The following LIMD1 variants were observed in gnomAD, a reference collection of about 807,000 sequenced individuals.
LIMD1 encodes the protein LIM domain containing 1, also known as LIM domain-containing protein 1.
LIMD1 carries 23 observed loss-of-function variants against 58.4 expected under a neutral mutation model. That is an observed-to-expected ratio of 0.39 (90% confidence interval 0.28 to 0.56). The LOEUF (loss-of-function observed/expected upper bound fraction) is 0.56. Ranked by LOEUF, LIMD1 falls within the 20% of genes least tolerant of loss-of-function variation. The probability of loss-of-function intolerance (pLI) is 0.57; values close to 1 mark genes in which losing one functional copy is unlikely to be tolerated. For missense variants in LIMD1, 838 were observed against 855.5 expected, an observed-to-expected ratio of 0.98 and a Z score of 0.25; for synonymous variants, 334 against 345.5, an observed-to-expected ratio of 0.97 and a Z score of 0.37.
At position 45,606,284 on chromosome 3, in the gene LIMD1, C is replaced by T. The variant is rs138009743; in HGVS notation, c.1408+9997C>T. On this transcript the variant is annotated intron_variant, in intron 1 of 7. Transcript: ENST00000273317. ...GCTGCTGAGTTGGAGATTTTGACCA[C>T]TGTGTTGTGATGCCTCTTAGCTCTT... Among the ~76,000 whole-genome samples, 624 of 152,284 alleles carry T rather than the reference C, an allele frequency of 4.1e-3. 7 individuals are homozygous for T. Among genetic ancestry groups the T allele is most frequent in the African/African-American group, 0.014 (593 of 41,544 alleles).
Position 45,594,871 on chromosome 3 carries a change from G to T in LIMD1, c.-9G>T. On this transcript the variant is annotated 5_prime_UTR_variant, in exon 1 of 8. Coordinates refer to ENST00000273317, the MANE Select transcript of LIMD1 (RefSeq NM_014240.3). ...GCACCTGGGCTAGGCCCGGACACCT[G>T]TCTGCAGCATGGATAAGTATGACGA... The T allele has an allele frequency of 6.3e-7, 1 of 1,575,764 alleles. No homozygotes were observed. The highest frequency in any genetic ancestry group is 2.3e-5 in the East Asian group (1 of 43,106).
chr3:45,674,466 G>A, intron 7 of LIMD1, 55 bp downstream of exon 7: 3 of 1,246,392 alleles, frequency 2.4e-6, no homozygotes, highest in Admixed American at 3.8e-5. Flanking sequence ...CAAGAGAAAA[G>A]CATCCTGCGT....
intron 1 of LIMD1, among the ~76,000 whole-genome samples, chr3:45,622,548 C>T (rs894884845): frequency 2.6e-5 from 4 of 152,068 alleles, no homozygotes; most frequent in African/African-American, 4.8e-5. Flanking sequence ...TGAATGTGGT[C>T]TTTCTCTTTC....
At chr3:45,616,757 C>CTTT (rs1335272194) in intron 1 of LIMD1, among the ~76,000 whole-genome samples, 4 of 142,054 alleles carry the variant, frequency 2.8e-5, no homozygotes, top group African/African-American at 7.8e-5. Flanking sequence ...ATGAGAAAGT[C>CTTT]TTTTTTTTTT....
intron 1 of LIMD1, among the ~76,000 whole-genome samples, chr3:45,601,517 C>G (rs1379406249): frequency 6.6e-6 from 1 of 152,216 alleles, no homozygotes; most frequent in Non-Finnish European, 1.5e-5. Flanking sequence ...CCCACAGTGC[C>G]CCCTTCCTGG....
At position 45,594,970 on chromosome 3, in the gene LIMD1, G is replaced by A. The variant is rs1467437674; in HGVS notation, c.91G>A (p.Val31Met). Residue 31 changes from valine (V) to methionine (M), a missense_variant, in exon 1 of 8, where the codon GTG (valine) becomes ATG (methionine). Physicochemically the swap from Val to Met is conservative, Grantham distance 21 (BLOSUM62 1). This residue lies in a region of LIMD1 where 659 missense variants were observed against 639.8 expected (regional missense o/e 1.03). Coordinates refer to ENST00000273317, the MANE Select transcript of LIMD1 (RefSeq NM_014240.3). ...YEASKDGLFR[V>M]DKGAGNNPEF... is the part of the protein sequence containing the mutation. ...GGCCTCTAAGGATGGGCTCTTCCGA[G>A]TGGACAAGGGTGCAGGCAACAACCC... is the stretch of plus-strand genomic sequence containing the variant. 6.2e-7 allele frequency: 1 copy of A among 1,613,984 alleles called. No individual in the cohort carries two copies.
rs1553641998 is a variant in LIMD1, at chr3:45,594,797, A to ACACACACACACACACACAC, written c.-82_-64dup. The ACACACACACACACACACAC allele has an allele frequency of 1.3e-3, 166 of 129,526 alleles. 1 individual carries two copies. In the East Asian group the frequency reaches 0.037, roughly 29 times the overall value. 8.0% of individuals were successfully genotyped at this position (129,526 alleles called of 1,614,324 possible). A position where few individuals can be genotyped will look rare whatever the true frequency, so the allele number is the denominator to read the frequency against. On this transcript the variant is annotated 5_prime_UTR_variant, in exon 1 of 8. Coordinates refer to ENST00000273317, the MANE Select transcript of LIMD1 (RefSeq NM_014240.3). ...GCCCTCAACACACACACACACACAC[A>ACACACACACACACACACAC]CACACACACACACACACACACACAC...
chr3:45,633,608 C>G (rs1701758346), intron 1 of LIMD1, among the ~76,000 whole-genome samples: 1 of 152,182 alleles, frequency 6.6e-6, no homozygotes, highest in Non-Finnish European at 1.5e-5. Flanking sequence ...TGTATAATTC[C>G]TTCAACTTTT....
chr3:45,677,122 G>C lies in LIMD1; in HGVS notation c.*63G>C. 1 of 1,579,510 alleles carries C rather than the reference G, an allele frequency of 6.3e-7. No individual in the cohort carries two copies. The highest frequency in any genetic ancestry group is 8.6e-7 in the Non-Finnish European group (1 of 1,160,802). On this transcript the variant is annotated 3_prime_UTR_variant, in exon 8 of 8. Transcript: ENST00000273317. ...AGCCGGGGTTGCTGCTGCTGCTTCC[G>C]GTGGCCCCTGGGGTGGAAGTGGGGT...
At chr3:45,674,248 C>A (rs1697635513) in intron 6 of LIMD1, 95 bp from the exon 7 acceptor site, 1 of 862,438 alleles carries the variant, frequency 1.2e-6, no homozygotes, top group Non-Finnish European at 1.9e-6. Context: ...TTGTTACCCC[C>A]AAAACCCTCT....
chr3:45,618,377 G>A (rs1375748143), intron 1 of LIMD1, among the ~76,000 whole-genome samples: 1 of 152,130 alleles, frequency 6.6e-6, no homozygotes, highest in Admixed American at 6.5e-5. Flanking sequence ...GCTGTCCTAT[G>A]GGGACAGTTC....
Position 45,673,480 on chromosome 3 carries a change from G to C in LIMD1, c.1799G>C (p.Cys600Ser). 1 of 1,614,062 alleles carries C rather than the reference G, an allele frequency of 6.2e-7. No individual in the cohort carries two copies. Among genetic ancestry groups the C allele is most frequent in the Non-Finnish European group, 8.5e-7 (1 of 1,179,940 alleles). Residue 600 changes from cysteine to serine, a missense_variant, in exon 6 of 8, where the codon TGT (cysteine) becomes TCT (serine). Physicochemically the swap from Cys to Ser is moderately radical, Grantham distance 112. Around this residue, in one of 3 missense-constraint regions of LIMD1, gnomAD observed 174 missense variants for 197.4 expected, o/e 0.88. Coordinates refer to ENST00000273317, the MANE Select transcript of LIMD1 (RefSeq NM_014240.3). Reference sequence around the variant, plus strand: ...GTGCTGGCCCCCAAGTGTGCAGCCTGTGGGCTTCCCATCCTTCCACCTGAG... The same window carrying C: ...GTGCTGGCCCCCAAGTGTGCAGCCTCTGGGCTTCCCATCCTTCCACCTGAG... ...HKVLAPKCAACGLPILPPEGS... is the reference protein window; with the variant it reads ...HKVLAPKCAASGLPILPPEGS...
chr3:45,636,817 T>A, intron 2 of LIMD1, among the ~76,000 whole-genome samples: 1 of 152,172 alleles, frequency 6.6e-6, no homozygotes, highest in East Asian at 1.9e-4. Context: ...CTCCAGTACA[T>A]GCATTATAAT....
chr3:45,646,622 T>C (rs1443606883), intron 2 of LIMD1, among the ~76,000 whole-genome samples: 1 of 152,210 alleles, frequency 6.6e-6, no homozygotes, highest in Non-Finnish European at 1.5e-5. Flanking sequence ...AGTTTAAATT[T>C]ATTTTAGTAG....
rs1697766700 is a variant in LIMD1 at position 45,683,271 on chromosome 3, G to A, written c.*6212G>A. 1 of 152,194 alleles carries A rather than the reference G, an allele frequency of 6.6e-6. No individual in the cohort carries two copies. Among genetic ancestry groups the A allele is most frequent in the Non-Finnish European group, 1.5e-5 (1 of 68,066 alleles). The allele number at this position is 152,194 out of a possible 1,614,324, so 9.4% of individuals were successfully genotyped here. On this transcript the variant is annotated 3_prime_UTR_variant, in exon 8 of 8. Transcript: ENST00000273317. ...GGAGGGAAGCAGGAGATAGGGTCTG[G>A]AGGCATGGAATTGGCTTCCTAAGGC...
In LIMD1 at chr3:45,595,757, G is replaced by A; in HGVS notation, c.878G>A (p.Arg293Lys). ...CCAGCTGTGGGGCCTGTTCAGCCCA[G>A]GACCCCTTCTGTGTCAGCACCCTTG... is the stretch of plus-strand genomic sequence containing the variant. Reference protein sequence around the residue: ...GAPAVGPVQPRTPSVSAPLAL... With the variant: ...GAPAVGPVQPKTPSVSAPLAL... The change falls in exon 1 of 8, where the codon AGG (arginine) becomes AAG (lysine). Residue 293 changes from arginine (R) to lysine (K), a missense_variant. Physicochemically the swap from Arg to Lys is conservative, Grantham distance 26. Transcript: ENST00000273317. The A allele has an allele frequency of 1.2e-6, 2 of 1,614,080 alleles. No homozygotes were observed. The highest frequency in any genetic ancestry group is 1.7e-6 in the Non-Finnish European group (2 of 1,180,018).
chr3:45,660,803 G>A (rs1010644968), intron 2 of LIMD1, among the ~76,000 whole-genome samples: 1 of 152,180 alleles, frequency 6.6e-6, no homozygotes, highest in Non-Finnish European at 1.5e-5. Context: ...GGTGTCCGAC[G>A]TGGGAAAAGT....
At chr3:45,610,720 A>G (rs1164561611) in intron 1 of LIMD1, among the ~76,000 whole-genome samples, 4 of 152,118 alleles carry the variant, frequency 2.6e-5, no homozygotes, top group Admixed American at 6.5e-5. Flanking sequence ...AAATGTGCAT[A>G]TGGTTGTGAG....
chr3:45,647,580 A>G (rs1701919831), intron 2 of LIMD1, among the ~76,000 whole-genome samples: 1 of 152,190 alleles, frequency 6.6e-6, no homozygotes, highest in African/African-American at 2.4e-5. Context: ...TGGCATTTGG[A>G]TGCCAGCAGG....
Sources: allele counts gnomAD v4.1 joint callset (sites outside exome capture counted in the v4.1 genomes callset), GRCh38; gene constraint gnomAD v4.1.1; regional missense constraint gnomAD v4.1.1; transcripts MANE v1.5; gene names NCBI Gene and HGNC (gene_info 2026-07-23, HGNC 2026-07-21).